The following FAM47E variants were observed in gnomAD, a reference collection of about 807,000 sequenced individuals.
FAM47E encodes protein FAM47E.
A neutral mutation model predicts 41.6 loss-of-function variants in FAM47E; 32 were observed. The ratio of observed to expected loss-of-function variants is 0.77; its 90% confidence interval spans 0.58 to 1.03. FAM47E has a LOEUF of 1.03. Among genes scored for constraint, FAM47E ranks in the 50% least tolerant of loss-of-function variants. The pLI, the probability that FAM47E is intolerant of heterozygous loss-of-function variation, is 0.00. For missense variants in FAM47E, 424 were observed against 485.4 expected (o/e 0.87, Z 1.19); for synonymous variants, 184 against 188.7 (o/e 0.98, Z 0.20).
At chr4:76,214,765 A>C (rs901707188) in intron 1 of FAM47E, among the ~76,000 whole-genome samples, 7 of 152,230 alleles carry the variant, frequency 4.6e-5, no homozygotes, top group Non-Finnish European at 1.0e-4. Flanking sequence ...TACTCATTTA[A>C]TACCCTTGGC....
intron 1 of FAM47E, among the ~76,000 whole-genome samples, 198 bp downstream of exon 1, chr4:76,252,018 G>T (rs781748069): frequency 4.6e-5 from 7 of 152,092 alleles, no homozygotes; most frequent in Admixed American, 1.3e-4. Context: ...TTTTCCTGCT[G>T]TCATCCTCAC....
chr4:76,276,669 C>T (rs1341472771), intron 5 of FAM47E, among the ~76,000 whole-genome samples: 1 of 152,026 alleles, frequency 6.6e-6, no homozygotes, highest in Non-Finnish European at 1.5e-5. Flanking sequence ...AATTGGATGG[C>T]CAGGGAAGAT....
Position 76,236,480 on chromosome 4 carries a change from A to G in FAM47E, c.81+18792A>G, listed in dbSNP as rs1733588263. 3.9e-5 allele frequency: 6 copies of G among 152,324 alleles called. No individual in the cohort carries two copies. The South Asian group carries it at 1.0e-3, about 26-fold the overall frequency. 9.4% of individuals were successfully genotyped at this position (152,324 alleles called of 1,614,324 possible). On this transcript the variant is annotated intron_variant, in intron 2 of 7. Coordinates refer to the FAM47E transcript ENST00000510197. ...AGAATATTTGAAGAGATTTATTCTG[A>G]GCCAAATATGAGTGACCGTGGCCTA...
intron 2 of FAM47E, among the ~76,000 whole-genome samples, chr4:76,220,193 CAAATACTTGT>C (rs1377478155): frequency 6.6e-6 from 1 of 152,186 alleles, no homozygotes; most frequent in Non-Finnish European, 1.5e-5. Flanking sequence ...GGTACTCAAA[CAAATACTTGT>C]AAACCAGTGT....
chr4:76,240,028 T>C (rs1025502899), intron 2 of FAM47E, among the ~76,000 whole-genome samples: 1 of 152,284 alleles, frequency 6.6e-6, no homozygotes, highest in Middle Eastern at 3.4e-3. Context: ...CTAAGAGGGT[T>C]TTTTTCTGGA....
chr4:76,236,767 T>G (rs1319697276), intron 2 of FAM47E: 1 of 152,116 alleles, frequency 6.6e-6, no homozygotes, highest in Non-Finnish European at 1.5e-5. Flanking sequence ...TTTAAAGACC[T>G]GGGATCAGCA....
At chr4:76,228,821 T>C (rs180694317) in intron 2 of FAM47E, among the ~76,000 whole-genome samples, 29 of 152,332 alleles carry the variant, frequency 1.9e-4, no homozygotes, top group African/African-American at 6.0e-4. Flanking sequence ...TTGATGACTA[T>C]GTGCCCAGGT....
chr4:76,256,848 G>A (rs1049722224), intron 2 of FAM47E, among the ~76,000 whole-genome samples: 1 of 152,104 alleles, frequency 6.6e-6, no homozygotes, highest in Admixed American at 6.5e-5. Flanking sequence ...TGACTTTTTG[G>A]GGAGAGGAGG....
chr4:76,256,514 GC>G lies in FAM47E; in HGVS notation c.414del (p.Ile139Ter). ...ALYLNLEEAM[P>X]IELLSKVLEV... ...TCTACCTGAATCTGGAAGAAGCTAT[GC>G]CCATAGAGGTGATGTGTCCTAGGGT... On this transcript the variant is annotated frameshift_variant, in exon 2 of 8. Coordinates refer to ENST00000424749, the MANE Select transcript of FAM47E (RefSeq NM_001136570.3). LOFTEE classifies it high-confidence loss of function. 1 of 1,548,358 alleles carries G rather than the reference GC, an allele frequency of 6.5e-7. No homozygotes were observed. The highest frequency in any genetic ancestry group is 8.7e-7 in the Non-Finnish European group (1 of 1,144,496).
chr4:76,276,355 C>T (rs1311054505), intron 5 of FAM47E, among the ~76,000 whole-genome samples: 4 of 97,844 alleles, frequency 4.1e-5, no homozygotes, highest in Non-Finnish European at 9.5e-5. Flanking sequence ...GAGGGGGTTA[C>T]TTTTTTTTGT....
chr4:76,215,656 C>A (rs1169942803), intron 1 of FAM47E, among the ~76,000 whole-genome samples: 1 of 152,148 alleles, frequency 6.6e-6, no homozygotes, highest in Admixed American at 6.5e-5. Context: ...TGCCTTGCAA[C>A]TTCTGCTGGG....
At chr4:76,227,060 C>A (rs140146655) in intron 2 of FAM47E, among the ~76,000 whole-genome samples, 8,046 of 151,726 alleles carry the variant, frequency 0.053, 250 homozygotes, top group Middle Eastern at 0.088. Flanking sequence ...TTCTTTTCTT[C>A]TGCTGGGTTT....
At chr4:76,244,333 G>A (rs187539639) in intron 2 of FAM47E, among the ~76,000 whole-genome samples, 11 of 152,082 alleles carry the variant, frequency 7.2e-5, no homozygotes, top group Non-Finnish European at 1.6e-4. Flanking sequence ...TTCCACAATG[G>A]TCGAACTAAT....
chr4:76,229,059 ATTGGG>A (rs1349482320), intron 2 of FAM47E, among the ~76,000 whole-genome samples: 1 of 151,978 alleles, frequency 6.6e-6, no homozygotes, highest in Non-Finnish European at 1.5e-5. Context: ...TCTTTGTCAG[ATTGGG>A]TTAATTCAAA....
At chr4:76,231,607 T>A (rs2109986038) in intron 2 of FAM47E, among the ~76,000 whole-genome samples, 1 of 152,364 alleles carries the variant, frequency 6.6e-6, no homozygotes, top group African/African-American at 2.4e-5. Flanking sequence ...GGCCTGATTA[T>A]TTGCATAAAG....
chr4:76,262,999 T>C (rs1734483008), intron 2 of FAM47E, among the ~76,000 whole-genome samples: 1 of 152,208 alleles, frequency 6.6e-6, no homozygotes, highest in African/African-American at 2.4e-5. Flanking sequence ...ACTCCTGGCC[T>C]CATGCCATCT....
upstream of FAM47E, among the ~76,000 whole-genome samples, chr4:76,247,914 T>C (rs1416429778): frequency 1.8e-5 from 2 of 111,172 alleles, no homozygotes; most frequent in African/African-American, 6.7e-5. Context: ...CTCTCTCTTT[T>C]TTTTTTTTTT....
At chr4:76,233,603 C>T (rs59293528) in intron 2 of FAM47E, among the ~76,000 whole-genome samples, 1 of 126,294 alleles carries the variant, frequency 7.9e-6, no homozygotes, top group African/African-American at 2.9e-5. Flanking sequence ...CACACACACA[C>T]ATATGTAACT....
intron 1 of FAM47E, among the ~76,000 whole-genome samples, chr4:76,215,703 C>A (rs921997624): frequency 2.6e-5 from 4 of 152,096 alleles, no homozygotes. Context: ...CCTCAAGTCA[C>A]CCCTAAGTTC....
Sources: gnomAD v4.1 joint callset for allele counts (sites outside exome capture counted in the v4.1 genomes callset) on GRCh38, gnomAD v4.1.1 for gene constraint, MANE v1.5 for transcripts, NCBI Gene and HGNC (gene_info 2026-07-23, HGNC 2026-07-21) for gene names.